The following PYROXD2 variants were observed in gnomAD, a reference collection of about 807,000 sequenced individuals.
PYROXD2 encodes pyridine nucleotide-disulphide oxidoreductase domain 2.
Under a neutral mutation model 71.1 loss-of-function variants are expected in PYROXD2, and 69 were observed. The ratio of observed to expected loss-of-function variants is 0.97; its 90% confidence interval spans 0.80 to 1.19. PYROXD2 has a LOEUF of 1.19. PYROXD2 is among the 50% of genes most tolerant of loss of function. PYROXD2 has a pLI of 0.00. For synonymous variants in PYROXD2, 287 were observed against 302.7 expected, an observed-to-expected ratio of 0.95 and a Z score of 0.54; for missense variants, 745 against 748.9, an observed-to-expected ratio of 0.99 and a Z score of 0.06.
At chr10:98,405,339 A>G (rs900869034) in intron 4 of PYROXD2, among the ~76,000 whole-genome samples, 2 of 152,204 alleles carry the variant, frequency 1.3e-5, no homozygotes, top group African/African-American at 4.8e-5. Flanking sequence ...GAGGAGGGGC[A>G]GTGGTGCCAA....
rs113980726 is a variant in PYROXD2, at chr10:98,407,497, G to T, written c.315+85C>A. On this transcript the variant is annotated intron_variant, in intron 4 of 15. Transcript: ENST00000370575. ...CCCTCAGGGGCGGGCATCACCTCGG[G>T]CACAGAACAGGGACCCCCCACACAG... The T allele has an allele frequency of 2.1e-4, 319 of 1,544,068 alleles. 1 individual carries two copies. In the African/African-American group the frequency reaches 3.8e-3, roughly 18 times the overall value.
Position 98,393,016 on chromosome 10 carries a change from C to T in PYROXD2, c.853G>A (p.Gly285Arg), listed in dbSNP as rs1191351753. The change falls in exon 9 of 16, where the codon GGG becomes AGG. Residue 285 changes from glycine (G) to arginine (R), a missense_variant. Gly to Arg is a moderately radical substitution (Grantham distance 125). Transcript: ENST00000370575. Reference protein sequence around the residue: ...GMQGAWGYVQGGMGALSDAIA... With the variant: ...GMQGAWGYVQRGMGALSDAIA... ...GCATCAGAGAGGGCACCCATGCCCCCCTGGACGTAGCCCCAGGCCCCCTGC... is the reference window on the plus strand; with the variant it reads ...GCATCAGAGAGGGCACCCATGCCCCTCTGGACGTAGCCCCAGGCCCCCTGC... The T allele has an allele frequency of 6.8e-6, 11 of 1,612,884 alleles. No individual in the cohort carries two copies. Among genetic ancestry groups the T allele is most frequent in the South Asian group, 1.1e-5 (1 of 91,006 alleles).
intron 5 of PYROXD2, 74 bp from the exon 6 acceptor site, chr10:98,397,572 AC>A (rs61159293): frequency 0.33 from 474,294 of 1,446,782 alleles, 79,877 homozygotes; most frequent in South Asian, 0.45. Context: ...ATGGCCTGTC[AC>A]CCCCCCACAG....
At chr10:98,387,694 G>A (rs1047387073) in intron 13 of PYROXD2, among the ~76,000 whole-genome samples, 8 of 145,048 alleles carry the variant, frequency 5.5e-5, no homozygotes, top group African/African-American at 7.8e-5. Flanking sequence ...GTGCAGTGGC[G>A]CAATCTCAGC....
At position 98,389,506 on chromosome 10, in the gene PYROXD2, T is replaced by A. The variant is rs138271084; in HGVS notation, c.1293-998A>T. 3.0e-4 allele frequency among the ~76,000 whole-genome samples: 46 copies of A among 152,248 alleles called. No homozygotes were observed. In the East Asian group the frequency reaches 8.7e-3, roughly 29 times the overall value. ...TTCCTGGAGTAAGAGCCAGGGCACT[T>A]GACAAGACCCAGCACCATCCGAGAC... is the stretch of plus-strand genomic sequence containing the variant. On this transcript the variant is annotated intron_variant, in intron 12 of 15. Coordinates refer to ENST00000370575, the MANE Select transcript of PYROXD2 (RefSeq NM_032709.3).
intron 1 of PYROXD2, 146 bp from the exon 2 acceptor site, chr10:98,411,104 G>A: frequency 2.7e-6 from 3 of 1,122,972 alleles, no homozygotes; most frequent in Non-Finnish European, 3.8e-6. Context: ...GCACTCAGAT[G>A]TTGGAACAGC....
In PYROXD2 at chr10:98,391,006, T is replaced by C. The variant is rs1331838163; in HGVS notation, c.1135+4A>G. 1 of 1,608,972 alleles carries C rather than the reference T, an allele frequency of 6.2e-7. No individual in the cohort carries two copies. Among genetic ancestry groups the C allele is most frequent in the Non-Finnish European group, 8.5e-7 (1 of 1,175,464 alleles). ...ACAGTGCTGCAATGTGGTGTGCCTC[T>C]TACCATTGATCTTGGTGACAGGCGA... On this transcript the variant is annotated splice_donor_region_variant and intron_variant, in intron 11 of 15. Transcript: ENST00000370575.
rs568441591 is a variant in PYROXD2 at position 98,409,011 on chromosome 10, A to G, written c.148-1014T>C. On this transcript the variant is annotated intron_variant, in intron 2 of 15. Transcript: ENST00000370575. ...ACCAGACAGCGTGAAACCAGCATCT[A>G]TCCTCCTAACATAACCTCCTATCAT... Among the ~76,000 whole-genome samples the G allele has an allele frequency of 1.7e-4, 26 of 152,336 alleles. 1 individual carries two copies. In the South Asian group the frequency reaches 5.4e-3, roughly 32 times the overall value.
intron 13 of PYROXD2, 92 bp from the exon 14 acceptor site, chr10:98,387,399 A>T: frequency 2.5e-6 from 2 of 806,372 alleles, no homozygotes; most frequent in Non-Finnish European, 4.1e-6. Flanking sequence ...AACAGTCATT[A>T]AATTACACAC....
In PYROXD2 at chr10:98,392,317, A is replaced by G. The variant is rs564101754; in HGVS notation, c.1062+115T>C. 3.3e-6 allele frequency: 5 copies of G among 1,494,906 alleles called. No individual in the cohort carries two copies. In the South Asian group the frequency reaches 5.3e-5, roughly 16 times the overall value. The allele number at this position is 1,494,906 out of a possible 1,614,324, so 92.6% of individuals were successfully genotyped here. On this transcript the variant is annotated intron_variant, in intron 10 of 15. Transcript: ENST00000370575. ...TTACCCCCCTGTTTCCCAAATGCAG[A>G]GACTTGGCTTTTGCATCTCACACCC...
intron 8 of PYROXD2, 152 bp from the exon 9 acceptor site, chr10:98,393,235 T>G: frequency 1.6e-6 from 1 of 633,058 alleles, no homozygotes; most frequent in South Asian, 2.2e-5. Flanking sequence ...CAAGTTCTTG[T>G]AAGAGCCCTT....
intron 2 of PYROXD2, 179 bp downstream of exon 2, chr10:98,410,760 G>T: frequency 1.2e-6 from 1 of 843,802 alleles, no homozygotes; most frequent in Non-Finnish European, 1.8e-6. Context: ...ACAGCTGGCT[G>T]CAGATGAGCA....
intron 2 of PYROXD2, 58 bp downstream of exon 2, chr10:98,410,881 C>T: frequency 6.4e-7 from 1 of 1,554,146 alleles, no homozygotes. Context: ...CCTTCCCAGG[C>T]TGCTGAGAGC....
intron 4 of PYROXD2, 102 bp downstream of exon 4, chr10:98,407,480 G>T: frequency 7.1e-7 from 1 of 1,416,022 alleles, no homozygotes; most frequent in South Asian, 1.2e-5. Flanking sequence ...AGCCCTCAGG[G>T]GCGGGCATCA....
chr10:98,406,816 C>T (rs567158049), intron 4 of PYROXD2, among the ~76,000 whole-genome samples: 100 of 146,304 alleles, frequency 6.8e-4, no homozygotes, highest in Admixed American at 1.3e-3. Context: ...GGCATGAACC[C>T]GGGAGGAGGA....
intron 2 of PYROXD2, among the ~76,000 whole-genome samples, chr10:98,408,866 C>A (rs1843696649): frequency 6.6e-6 from 1 of 152,160 alleles, no homozygotes; most frequent in Non-Finnish European, 1.5e-5. Flanking sequence ...ATTTTTCCCA[C>A]CAGCCAAGAG....
At position 98,392,540 on chromosome 10, in the gene PYROXD2, A is replaced by C; in HGVS notation, c.954T>G (p.Ser318Arg). ...EKTVAKVQVNSEGCVQGVVLE... is the reference protein window; with the variant it reads ...EKTVAKVQVNREGCVQGVVLE... ...GCACAACTCCTTGAACACAGCCTTC[A>C]CTGTTCACCTGCACCTTCGCCACTG... is the stretch of plus-strand genomic sequence containing the variant. The change falls in exon 10 of 16, where the codon AGT becomes AGG. Residue 318 changes from serine (S) to arginine (R), a missense_variant. Coordinates refer to ENST00000370575, the MANE Select transcript of PYROXD2 (RefSeq NM_032709.3). 1 of 1,612,814 alleles carries C rather than the reference A, an allele frequency of 6.2e-7. No homozygotes were observed. Among genetic ancestry groups the C allele is most frequent in the Middle Eastern group, 1.6e-4 (1 of 6,062 alleles).
At chr10:98,385,549 C>T (rs1312471852) in intron 14 of PYROXD2, among the ~76,000 whole-genome samples, 8 of 152,202 alleles carry the variant, frequency 5.3e-5, no homozygotes, top group Non-Finnish European at 1.5e-5. Flanking sequence ...GTGAGACCAG[C>T]CCCAGGCTGA....
chr10:98,388,252 C>A lies in PYROXD2; in HGVS notation c.1447+102G>T, dbSNP rs534739826. The A allele has an allele frequency of 4.7e-5, 56 of 1,184,964 alleles. 1 individual carries two copies. The South Asian group carries it at 6.8e-4, about 14-fold the overall frequency. 73.4% of individuals were successfully genotyped at this position (1,184,964 alleles called of 1,614,324 possible). A position where few individuals can be genotyped will look rare whatever the true frequency, so the allele number is the denominator to read the frequency against. ...ACTATTTCCTCCCTTTGGAATGGCA[C>A]CTGCAGTTGTCAATCCTGAATGGGG... is the stretch of plus-strand genomic sequence containing the variant. On this transcript the variant is annotated intron_variant, in intron 13 of 15. Transcript: ENST00000370575.
Sources: allele counts gnomAD v4.1 joint callset (sites outside exome capture counted in the v4.1 genomes callset), GRCh38; gene constraint gnomAD v4.1.1; transcripts MANE v1.5; gene names NCBI Gene and HGNC (gene_info 2026-07-23, HGNC 2026-07-21).